The following PDE1A variants were observed in gnomAD, a reference collection of about 807,000 sequenced individuals.
PDE1A encodes the protein phosphodiesterase 1A.
A neutral mutation model predicts 61.7 loss-of-function variants in PDE1A; 35 were observed. The observed-to-expected ratio is 0.57, with a 90% CI of 0.43 to 0.75. The LOEUF is 0.75. Ranked by LOEUF, PDE1A falls within the 30% of genes least tolerant of loss-of-function variation. PDE1A has a pLI of 0.00. For missense variants in PDE1A, 597 were observed against 630.6 expected, an observed-to-expected ratio of 0.95 and a Z score of 0.57; for synonymous variants, 232 against 213.2, an observed-to-expected ratio of 1.09 and a Z score of -0.77.
At chr2:182,702,523 G>C in the PDE1A span, among the ~76,000 whole-genome samples, 2 of 152,132 alleles carry the variant, frequency 1.3e-5, no homozygotes, top group East Asian at 3.8e-4. Flanking sequence ...AGGGAGAGGA[G>C]AAATGCACAC....
intron 13 of PDE1A, 83 bp downstream of exon 13, chr2:182,185,809 A>C (rs766239427): frequency 6.8e-5 from 108 of 1,593,770 alleles, no homozygotes; most frequent in Non-Finnish European, 8.7e-5. Flanking sequence ...ATAGAAGAAG[A>C]AATCTAGAAG....
chr2:182,199,973 A>T (rs1323011606), intron 10 of PDE1A, among the ~76,000 whole-genome samples: 1 of 152,124 alleles, frequency 6.6e-6, no homozygotes, highest in East Asian at 1.9e-4. Context: ...ACCACACATT[A>T]TGTCCATCAA....
chr2:182,687,517 C>G, the PDE1A span, among the ~76,000 whole-genome samples: 1 of 152,116 alleles, frequency 6.6e-6, no homozygotes, highest in South Asian at 2.1e-4. Context: ...GACATCCACA[C>G]CAAAACCCCA....
At chr2:182,453,952 C>T (rs1685711702) in intron 2 of PDE1A, among the ~76,000 whole-genome samples, 1 of 151,844 alleles carries the variant, frequency 6.6e-6, no homozygotes. Flanking sequence ...AAAGGGTATT[C>T]AATTAGGAAA....
chr2:182,611,042 G>A, the PDE1A span, among the ~76,000 whole-genome samples: 1 of 152,150 alleles, frequency 6.6e-6, no homozygotes, highest in African/African-American at 2.4e-5. Flanking sequence ...TCTTTGAAAG[G>A]ATATCCAGGT....
chr2:182,183,824 AC>A (rs893054326), intron 13 of PDE1A, among the ~76,000 whole-genome samples: 2 of 152,092 alleles, frequency 1.3e-5, no homozygotes, highest in African/African-American at 4.8e-5. Context: ...ATAAAAAAGA[AC>A]CAAATGGAAA....
chr2:182,150,475 A>G (rs1236059526), intron 13 of PDE1A, among the ~76,000 whole-genome samples: 1 of 152,194 alleles, frequency 6.6e-6, no homozygotes. Flanking sequence ...ATATATATAG[A>G]AAGCTGCTCA....
intron 8 of PDE1A, among the ~76,000 whole-genome samples, chr2:182,204,291 T>C (rs1198430147): frequency 1.3e-5 from 2 of 152,238 alleles, no homozygotes; most frequent in African/African-American, 2.4e-5. Flanking sequence ...AATCGCTACA[T>C]AGCCCAACAG....
the PDE1A span, among the ~76,000 whole-genome samples, chr2:182,666,254 A>G: frequency 1.3e-5 from 2 of 152,194 alleles, no homozygotes; most frequent in Admixed American, 6.5e-5. Flanking sequence ...CAAAAAATGT[A>G]CATGCTTAAA....
chr2:182,345,738 A>T (rs1014962457), intron 1 of PDE1A, among the ~76,000 whole-genome samples: 5 of 151,956 alleles, frequency 3.3e-5, no homozygotes, highest in Non-Finnish European at 5.9e-5. Context: ...TCCCTCATCC[A>T]CTTCAAGTCT....
At chr2:182,652,104 T>C in the PDE1A span, among the ~76,000 whole-genome samples, 1 of 152,320 alleles carries the variant, frequency 6.6e-6, no homozygotes, top group African/African-American at 2.4e-5. Flanking sequence ...TTTCTGTTTT[T>C]CACATAAAAT....
chr2:182,576,527 C>G, the PDE1A span, among the ~76,000 whole-genome samples: 3 of 152,128 alleles, frequency 2.0e-5, no homozygotes, highest in Non-Finnish European at 2.9e-5. Flanking sequence ...CTATGAACAT[C>G]AGTGTACAAA....
chr2:182,199,862 C>T (rs1387902454), intron 10 of PDE1A, among the ~76,000 whole-genome samples: 1 of 152,036 alleles, frequency 6.6e-6, no homozygotes, highest in African/African-American at 2.4e-5. Context: ...TTATGTCCAT[C>T]AACAATGGGA....
intron 2 of PDE1A, among the ~76,000 whole-genome samples, chr2:182,475,154 G>C (rs1211556343): frequency 1.3e-5 from 2 of 151,926 alleles, no homozygotes; most frequent in African/African-American, 2.4e-5. Flanking sequence ...TAAGAAGTTA[G>C]AGCCTTCCAC....
the PDE1A span, among the ~76,000 whole-genome samples, chr2:182,609,965 G>A: frequency 6.6e-6 from 1 of 152,086 alleles, no homozygotes; most frequent in Non-Finnish European, 1.5e-5. Flanking sequence ...GCACAGGCCT[G>A]TATTCCCAGC....
At chr2:182,142,418 T>G (rs541767905), downstream of PDE1A, 32 of 152,318 alleles carry the variant, frequency 2.1e-4, no homozygotes, top group African/African-American at 7.7e-4. Context: ...TTTCCCAGTA[T>G]GAGAGTTTAC....
chr2:182,580,147 T>G, the PDE1A span, among the ~76,000 whole-genome samples: 2 of 152,190 alleles, frequency 1.3e-5, no homozygotes, highest in Admixed American at 1.3e-4. Flanking sequence ...GAGAACTTCT[T>G]ATGGTTGGAT....
intron 10 of PDE1A, among the ~76,000 whole-genome samples, chr2:182,191,828 A>G (rs1574632380): frequency 6.6e-6 from 1 of 150,678 alleles, no homozygotes; most frequent in Non-Finnish European, 1.5e-5. Context: ...TGAGAAAGGC[A>G]TTATGATGAT....
At chr2:182,575,689 A>T in the PDE1A span, among the ~76,000 whole-genome samples, 1 of 146,596 alleles carries the variant, frequency 6.8e-6, no homozygotes, top group South Asian at 2.1e-4. Context: ...CCACCAGGAG[A>T]CACAATTATT....
Sources: gnomAD v4.1 joint callset for allele counts (sites outside exome capture counted in the v4.1 genomes callset) on GRCh38, gnomAD v4.1.1 for gene constraint, MANE v1.5 for transcripts, NCBI Gene and HGNC (gene_info 2026-07-23, HGNC 2026-07-21) for gene names.